Variants in ASXL3 observed in about 807,000 individuals in gnomAD.
ASXL3 encodes the protein ASXL transcriptional regulator 3, also known as putative Polycomb group protein ASXL3.
A neutral mutation model predicts 170.6 loss-of-function variants in ASXL3; 34 were observed. That is an observed-to-expected ratio of 0.20 (90% CI 0.15 to 0.27). The LOEUF (loss-of-function observed/expected upper bound fraction) is 0.27, where lower values mean the gene tolerates loss of function less well. Ranked by LOEUF, ASXL3 falls within the 10% of genes least tolerant of loss-of-function variation. The pLI, the probability that ASXL3 is intolerant of heterozygous loss-of-function variation, is 1.00. For missense variants in ASXL3, 2,592 were observed against 2,695.3 expected, an observed-to-expected ratio of 0.96 and a Z score of 0.85; for synonymous variants, 1,002 against 989.1, an observed-to-expected ratio of 1.01 and a Z score of -0.24.
In ASXL3 at chr18:33,744,386, C is replaced by A. The variant is rs749918007; in HGVS notation, c.4538C>A (p.Pro1513His). Residue 1513 changes from proline to histidine, a missense_variant, in exon 12 of 12, where the codon CCC (proline) becomes CAC (histidine). Physicochemically the swap from Pro to His is moderately conservative, Grantham distance 77. Around this residue, in one of 4 missense-constraint regions of ASXL3, gnomAD observed 2,246 missense variants for 2,219.6 expected, o/e 1.01. Transcript: ENST00000269197. ...GTGAGGACAGAGGCATCCGTACAGCCCGTGGCGTGTCCTCAGGTGTCTGTG... is the reference window on the plus strand; with the variant it reads ...GTGAGGACAGAGGCATCCGTACAGCACGTGGCGTGTCCTCAGGTGTCTGTG... ...RPVRTEASVQ[P>H]VACPQVSVIS... is the part of the protein sequence containing the mutation. The A allele has an allele frequency of 1.9e-6, 3 of 1,613,854 alleles. No individual in the cohort carries two copies. The highest frequency in any genetic ancestry group is 1.3e-5 in the African/African-American group (1 of 75,050).
intron 8 of ASXL3, among the ~76,000 whole-genome samples, chr18:33,731,068 G>C (rs753456423): frequency 2.0e-5 from 3 of 152,110 alleles, no homozygotes; most frequent in Admixed American, 6.5e-5. Context: ...TAATATACTT[G>C]TTCTTTATGT....
intron 1 of ASXL3, among the ~76,000 whole-genome samples, chr18:33,583,341 C>A (rs1314831395): frequency 6.6e-6 from 1 of 152,076 alleles, no homozygotes; most frequent in Non-Finnish European, 1.5e-5. Context: ...GGATCATGAG[C>A]CTGGCTAATA....
chr18:33,708,769 C>T (rs116824375), intron 8 of ASXL3, among the ~76,000 whole-genome samples: 50 of 152,254 alleles, frequency 3.3e-4, no homozygotes, highest in African/African-American at 1.1e-3. Flanking sequence ...GAACCACTTA[C>T]GTAGAGATCT....
Position 33,597,278 on chromosome 18 carries a change from A to G in ASXL3, c.55-10316A>G, listed in dbSNP as rs140746562. On this transcript the variant is annotated intron_variant, in intron 1 of 11. Transcript: ENST00000269197. ...GTGGGACTTTGTGGTGTACATGTAT[A>G]TGTACACCACAGACACTGGAATATA... 3.1e-3 allele frequency among the ~76,000 whole-genome samples: 465 copies of G among 152,126 alleles called. 3 individuals carry two copies. The highest frequency in any genetic ancestry group is 3.4e-3 in the Non-Finnish European group (231 of 67,998).
At chr18:33,641,394 AG>A (rs2065844436) in intron 2 of ASXL3, among the ~76,000 whole-genome samples, 1 of 151,750 alleles carries the variant, frequency 6.6e-6, no homozygotes, top group Non-Finnish European at 1.5e-5. Flanking sequence ...CTTACAGTAC[AG>A]GGGGAAAAAC....
chr18:33,722,137 C>A (rs551375466), intron 8 of ASXL3, among the ~76,000 whole-genome samples: 1 of 152,122 alleles, frequency 6.6e-6, no homozygotes, highest in African/African-American at 2.4e-5. Context: ...TTCAGGCCTC[C>A]CTATTTCCTA....
intron 4 of ASXL3, among the ~76,000 whole-genome samples, chr18:33,646,661 T>C (rs1713165599): frequency 6.6e-6 from 1 of 152,008 alleles, no homozygotes; most frequent in African/African-American, 2.4e-5. Flanking sequence ...AGTGGTTTCA[T>C]TCTTATGGGA....
At position 33,619,706 on chromosome 18, in the gene ASXL3, C is replaced by A. The variant is rs115857501; in HGVS notation, c.137+12030C>A. ...TTTTTTATTGTTGATCTTGGACTTA[C>A]AGATTGAAATTCTTGTTTCTTGCTA... is the stretch of plus-strand genomic sequence containing the variant. On this transcript the variant is annotated intron_variant, in intron 2 of 11. Coordinates refer to ENST00000269197, the MANE Select transcript of ASXL3 (RefSeq NM_030632.3). Among the ~76,000 whole-genome samples the A allele has an allele frequency of 3.0e-3, 462 of 152,182 alleles. 6 individuals carry two copies. The highest frequency in any genetic ancestry group is 0.011 in the African/African-American group (444 of 41,546).
chr18:33,746,493 C>T lies in ASXL3; in HGVS notation c.6645C>T (p.Cys2215=), dbSNP rs2067797271. The change falls in exon 12 of 12, where the codon TGC becomes TGT. Residue 2215 remains cysteine (C), a synonymous_variant. Transcript: ENST00000269197. ...ATGAATTGGAACTGAAATGCTCTTGCCGGCTGAAAGCCATGATTGTGTGCA... is the reference window on the plus strand; with the variant it reads ...ATGAATTGGAACTGAAATGCTCTTGTCGGCTGAAAGCCATGATTGTGTGCA... ...NADELELKCS[C]RLKAMIVCKG... 1 of 1,613,900 alleles carries T rather than the reference C, an allele frequency of 6.2e-7. No homozygotes were observed. Among genetic ancestry groups the T allele is most frequent in the Admixed American group, 1.7e-5 (1 of 60,016 alleles).
At chr18:33,695,733 G>A (rs1046336950) in intron 8 of ASXL3, among the ~76,000 whole-genome samples, 7 of 152,038 alleles carry the variant, frequency 4.6e-5, no homozygotes, top group African/African-American at 1.7e-4. Flanking sequence ...ACTATTCTGT[G>A]CATTAAGCCA....
In ASXL3 at chr18:33,586,404, CT is replaced by C. The variant is rs56692329; in HGVS notation, c.54+7728del. The stretch of plus-strand genomic sequence containing the variant: ...AAGTATATATAAGAAAATTGCCTTC[CT>C]TTTTTTTTAAAGTATTATGTCTTCA... On this transcript the variant is annotated intron_variant, in intron 1 of 11. Coordinates refer to ENST00000269197, the MANE Select transcript of ASXL3 (RefSeq NM_030632.3). Among the ~76,000 whole-genome samples, 20 of 151,014 alleles carry C rather than the reference CT, an allele frequency of 1.3e-4. No individual in the cohort carries two copies. The East Asian group carries it at 2.1e-3, about 16-fold the overall frequency.
At chr18:33,585,001 T>TA (rs2145090941) in intron 1 of ASXL3, among the ~76,000 whole-genome samples, 1 of 152,198 alleles carries the variant, frequency 6.6e-6, no homozygotes, top group African/African-American at 2.4e-5. Context: ...ATTGATCTGT[T>TA]ACATGGAAGC....
At position 33,670,694 on chromosome 18, in the gene ASXL3, A is replaced by C; in HGVS notation, c.499A>C (p.Arg167=). ...LKQALRQQQK[R]RNGVSMMVNK... ...GTAGGCTTTGAGGCAGCAGCAGAAA[A>C]GAAGAAATGGAGTCTCAATGATGGT... The change falls in exon 6 of 12, where the codon AGA becomes CGA. Residue 167 remains arginine (R), a synonymous_variant. Transcript: ENST00000269197. 1 of 1,565,690 alleles carries C rather than the reference A, an allele frequency of 6.4e-7. No homozygotes were observed. The highest frequency in any genetic ancestry group is 8.7e-7 in the Non-Finnish European group (1 of 1,154,262).
intron 8 of ASXL3, among the ~76,000 whole-genome samples, chr18:33,723,291 T>C (rs1332254073): frequency 1.3e-5 from 2 of 152,154 alleles, no homozygotes; most frequent in Non-Finnish European, 2.9e-5. Flanking sequence ...GAAAGTCTTT[T>C]GGAAAGAATT....
intron 1 of ASXL3, among the ~76,000 whole-genome samples, chr18:33,579,730 G>A (rs1299902380): frequency 6.6e-6 from 1 of 151,902 alleles, no homozygotes; most frequent in Non-Finnish European, 1.5e-5. Flanking sequence ...AGCCTTTCAG[G>A]GTTTTGGCTG....
chr18:33,588,534 A>G (rs1002529665), intron 1 of ASXL3, among the ~76,000 whole-genome samples: 83 of 152,098 alleles, frequency 5.5e-4, no homozygotes, highest in Non-Finnish European at 1.3e-4. Flanking sequence ...CATCAGTAAT[A>G]GTCACCACCA....
intron 1 of ASXL3, among the ~76,000 whole-genome samples, chr18:33,605,002 C>T (rs1222827899): frequency 6.6e-6 from 1 of 151,918 alleles, no homozygotes; most frequent in Non-Finnish European, 1.5e-5. Flanking sequence ...TTTGCATGCT[C>T]TCTGGATAAA....
At chr18:33,646,797 C>A (rs574114179) in intron 4 of ASXL3, among the ~76,000 whole-genome samples, 3 of 129,838 alleles carry the variant, frequency 2.3e-5, no homozygotes, top group Non-Finnish European at 4.6e-5. Context: ...TCATTCCTCA[C>A]AGTGAAAAGA....
At chr18:33,615,562 A>G (rs928816067) in intron 2 of ASXL3, among the ~76,000 whole-genome samples, 1 of 152,220 alleles carries the variant, frequency 6.6e-6, no homozygotes, top group Admixed American at 6.5e-5. Flanking sequence ...GACTTGCTTG[A>G]TGCAGGGTTG....
Sources: allele counts gnomAD v4.1 joint callset (sites outside exome capture counted in the v4.1 genomes callset), GRCh38; gene constraint gnomAD v4.1.1; regional missense constraint gnomAD v4.1.1; transcripts MANE v1.5; gene names NCBI Gene and HGNC (gene_info 2026-07-23, HGNC 2026-07-21).